The following NAMPT variants were observed in gnomAD, a reference collection of about 807,000 sequenced individuals.
NAMPT encodes nicotinamide phosphoribosyltransferase.
Under a neutral mutation model 58.7 loss-of-function variants are expected in NAMPT, and 7 were observed. The observed-to-expected ratio is 0.12, with a 90% CI of 0.07 to 0.22. NAMPT has a LOEUF of 0.22. NAMPT is among the 10% of genes least tolerant of loss of function. The pLI is 1.00. For synonymous variants in NAMPT, 145 were observed against 198.1 expected (o/e 0.73, Z 2.25); for missense variants, 271 against 567.9 (o/e 0.48, Z 5.31).
chr7:106,285,209 G>T (rs1434545432), upstream of NAMPT: 5 of 607,734 alleles, frequency 8.2e-6, no homozygotes, highest in Non-Finnish European at 1.1e-5. Flanking sequence ...CGCAGTGCGC[G>T]GAGGCGGGGC....
At chr7:106,271,074 T>C (rs1792522362) in intron 4 of NAMPT, among the ~76,000 whole-genome samples, 1 of 147,010 alleles carries the variant, frequency 6.8e-6, no homozygotes, top group Non-Finnish European at 1.5e-5. Context: ...GTGGTTACCA[T>C]TCTAAAACAA....
intron 6 of NAMPT, among the ~76,000 whole-genome samples, chr7:106,267,686 A>G (rs1470587185): frequency 6.6e-6 from 1 of 150,446 alleles, no homozygotes; most frequent in East Asian, 2.0e-4. Context: ...CTAAAAATAC[A>G]AAAAATTAGC....
chr7:106,250,078 TAATAAAAAATA>T lies in NAMPT; in HGVS notation c.*994_*1004del, dbSNP rs1274788394. On this transcript the variant is annotated 3_prime_UTR_variant, in exon 11 of 11. Coordinates refer to ENST00000222553, the MANE Select transcript of NAMPT (RefSeq NM_005746.3). The stretch of plus-strand genomic sequence containing the variant: ...TATCCAATTTAATTTTTTAAAAACT[TAATAAAAAATA>T]TAACAGAATTGAAACATTTAAGTAC... 6.6e-6 allele frequency: 1 copy of T among 152,358 alleles called. No homozygotes were observed. Among genetic ancestry groups the T allele is most frequent in the Non-Finnish European group, 1.5e-5 (1 of 67,952 alleles). The allele number at this position is 152,358 out of a possible 1,614,324, so 9.4% of individuals were successfully genotyped here.
At chr7:106,285,004 GGA>G (rs935062334), upstream of NAMPT, 21 of 1,458,072 alleles carry the variant, frequency 1.4e-5, no homozygotes, top group Non-Finnish European at 1.9e-5. Flanking sequence ...CGGAGGAGGG[GGA>G]GAGGGGGAAA....
chr7:106,260,239 G>C (rs773467920), intron 8 of NAMPT, among the ~76,000 whole-genome samples: 5 of 152,214 alleles, frequency 3.3e-5, no homozygotes, highest in Non-Finnish European at 7.3e-5. Context: ...ATCTTAGCTA[G>C]ATCTTCTGGG....
Position 106,277,097 on chromosome 7 carries a change from G to T in NAMPT, c.140C>A (p.Ser47Tyr), listed in dbSNP as rs1792661808. 1.2e-6 allele frequency: 2 copies of T among 1,608,058 alleles called. No individual in the cohort carries two copies. The highest frequency in any genetic ancestry group is 2.2e-5 in the East Asian group (1 of 44,744). The change falls in exon 2 of 11, where the codon TCC becomes TAC. Residue 47 changes from serine to tyrosine, a missense_variant. Physicochemically the swap from Ser to Tyr is moderately radical, Grantham distance 144 (BLOSUM62 -2). Transcript: ENST00000222553. ...CTCATATTTCACCTTCCTTAATTTG[G>T]AGTTTTCTGTCTTCTTTTCACGGCA... is the stretch of plus-strand genomic sequence containing the variant. ...FECREKKTEN[S>Y]KLRKVKYEET...
chr7:106,281,231 T>A (rs959960455), intron 1 of NAMPT, among the ~76,000 whole-genome samples: 6 of 151,838 alleles, frequency 4.0e-5, no homozygotes, highest in Admixed American at 2.0e-4. Context: ...TAAAAAAGTA[T>A]GAGATATGAC....
rs1444868354 is a variant in NAMPT, at chr7:106,277,018, A to G, written c.214+5T>C. The G allele has an allele frequency of 9.6e-6, 15 of 1,563,800 alleles. No individual in the cohort carries two copies. Among genetic ancestry groups the G allele is most frequent in the Non-Finnish European group, 9.7e-6 (11 of 1,134,474 alleles). On this transcript the variant is annotated splice_donor_5th_base_variant and intron_variant, in intron 2 of 10. Coordinates refer to ENST00000222553, the MANE Select transcript of NAMPT (RefSeq NM_005746.3). Reference sequence around the variant, plus strand: ...GTGTTTAAAATATACTAGGAAAAGTAATACCTTTTAAGTACTTATTAAGAA... The same window carrying G: ...GTGTTTAAAATATACTAGGAAAAGTGATACCTTTTAAGTACTTATTAAGAA...
chr7:106,285,309 G>A (rs1251627319), upstream of NAMPT: 13 of 549,632 alleles, frequency 2.4e-5, no homozygotes, highest in Admixed American at 6.2e-5. Context: ...GCGTGACCCG[G>A]GCGCTTACCT....
chr7:106,285,061 G>C (rs1792845831), upstream of NAMPT: 39 of 1,358,056 alleles, frequency 2.9e-5, no homozygotes, highest in Non-Finnish European at 3.5e-5. Context: ...CGGGAGCCGT[G>C]ACGCGGCGCG....
In NAMPT at chr7:106,250,288, T is replaced by G. The variant is rs1216454699; in HGVS notation, c.*795A>C. On this transcript the variant is annotated 3_prime_UTR_variant, in exon 11 of 11. Transcript: ENST00000222553. ...ATTCTCTCTAAAAACATTATCTCCT[T>G]AAAATCTTGAGGTGCATATTAGAGC... is the stretch of plus-strand genomic sequence containing the variant. 2 of 152,326 alleles carry G rather than the reference T, an allele frequency of 1.3e-5. No homozygotes were observed. Among genetic ancestry groups the G allele is most frequent in the Non-Finnish European group, 2.9e-5 (2 of 67,900 alleles). 9.4% of individuals were successfully genotyped at this position (152,326 alleles called of 1,614,324 possible).
chr7:106,280,011 T>G (rs1335493884), intron 1 of NAMPT, among the ~76,000 whole-genome samples: 1 of 152,116 alleles, frequency 6.6e-6, no homozygotes, highest in Non-Finnish European at 1.5e-5. Context: ...AATGAGATCA[T>G]GTAAGGCTTA....
Position 106,269,315 on chromosome 7 carries a change from G to A in NAMPT, c.448-3C>T. ...TACCAGGACTGAACAAGAATAGTCT[G>A]TAGTAACAAAATTAACCACAAATAT... On this transcript the variant is annotated splice_polypyrimidine_tract_variant and splice_region_variant and intron_variant, in intron 4 of 10. Coordinates refer to ENST00000222553, the MANE Select transcript of NAMPT (RefSeq NM_005746.3). 5.0e-6 allele frequency: 8 copies of A among 1,608,876 alleles called. No homozygotes were observed. The highest frequency in any genetic ancestry group is 5.9e-6 in the Non-Finnish European group (7 of 1,177,002).
At chr7:106,276,671 C>A (rs948194860) in intron 2 of NAMPT, 1 of 210,268 alleles carries the variant, frequency 4.8e-6, no homozygotes, top group Non-Finnish European at 9.8e-6. Flanking sequence ...GGAGAAAGCC[C>A]GTCTTCACTA....
chr7:106,284,955 C>T lies in NAMPT; in HGVS notation c.-71G>A. 6.5e-7 allele frequency: 1 copy of T among 1,541,746 alleles called. No individual in the cohort carries two copies. Among genetic ancestry groups the T allele is most frequent in the Non-Finnish European group, 8.8e-7 (1 of 1,139,630 alleles). On this transcript the variant is annotated 5_prime_UTR_variant, in exon 1 of 11. Coordinates refer to ENST00000222553, the MANE Select transcript of NAMPT (RefSeq NM_005746.3). ...GGCTGCGAGGAAGGAGAAAAATGAG[C>T]TTCACCGCGCTCCGTTGCTTAAGTC...
At chr7:106,277,493 C>T (rs1014183324) in intron 1 of NAMPT, among the ~76,000 whole-genome samples, 4 of 152,168 alleles carry the variant, frequency 2.6e-5, no homozygotes, top group African/African-American at 9.6e-5. Context: ...GAGAGAGAAG[C>T]AGCTGCCTAA....
intron 3 of NAMPT, among the ~76,000 whole-genome samples, chr7:106,273,874 A>G (rs557426937): frequency 1.3e-5 from 2 of 152,148 alleles, no homozygotes; most frequent in African/African-American, 4.8e-5. Flanking sequence ...GTATTGTCAT[A>G]TAGGCATGAA....
intron 9 of NAMPT, 41 bp from the exon 10 acceptor site, chr7:106,253,192 A>C (rs778755382): frequency 6.3e-7 from 1 of 1,596,880 alleles, no homozygotes. Flanking sequence ...TAGAAGACTA[A>C]TCATCAGAAA....
chr7:106,285,161 C>T (rs1792848750), upstream of NAMPT: 1 of 1,248,644 alleles, frequency 8.0e-7, no homozygotes, highest in South Asian at 2.3e-5. Context: ...CCGTCACCCT[C>T]CGGGGGCCGA....
Sources: gnomAD v4.1 joint callset for allele counts (sites outside exome capture counted in the v4.1 genomes callset) on GRCh38, gnomAD v4.1.1 for gene constraint, MANE v1.5 for transcripts, NCBI Gene and HGNC (gene_info 2026-07-23, HGNC 2026-07-21) for gene names.